HIVEP3: variants seen among roughly 807,000 people sequenced by gnomAD.
HIVEP3 encodes the protein HIVEP zinc finger 3, also known as transcription factor HIVEP3.
A neutral mutation model predicts 152.8 loss-of-function variants in HIVEP3; 49 were observed. That is an observed-to-expected ratio of 0.32 (90% CI 0.26 to 0.41). The LOEUF is 0.41. HIVEP3 is among the 10% of genes least tolerant of loss of function. The pLI is 1.00. For missense variants in HIVEP3, 2,790 were observed against 3,103.3 expected, an observed-to-expected ratio of 0.90 and a Z score of 2.40; for synonymous variants, 1,269 against 1,289.0, an observed-to-expected ratio of 0.98 and a Z score of 0.33.
chr1:41,652,642 AATC>A (rs1020913161), intron 2 of HIVEP3, among the ~76,000 whole-genome samples: 2 of 152,130 alleles, frequency 1.3e-5, no homozygotes, highest in Non-Finnish European at 2.9e-5. Flanking sequence ...CCTAGTGAGA[AATC>A]ATCATCAAAT....
chr1:41,696,948 A>C (rs1646286244), intron 2 of HIVEP3, among the ~76,000 whole-genome samples: 1 of 152,242 alleles, frequency 6.6e-6, no homozygotes, highest in Non-Finnish European at 1.5e-5. Context: ...GAAATATATA[A>C]AATGATTAAA....
rs2149110291 is a variant in HIVEP3, at chr1:41,585,073, T to A, written c.-276A>T. The A allele has an allele frequency of 2.5e-6, 1 of 401,846 alleles. No individual in the cohort carries two copies. Among genetic ancestry groups the A allele is most frequent in the Admixed American group, 4.3e-5 (1 of 23,486 alleles). 24.9% of individuals were successfully genotyped at this position (401,846 alleles called of 1,614,324 possible). On this transcript the variant is annotated 5_prime_UTR_variant, in exon 4 of 9. Transcript: ENST00000372583. ...CCAGCACTTTCTGCCTGAATGTCTG[T>A]CGGGAAAACGTCATGAAGGATGTCA... is the stretch of plus-strand genomic sequence containing the variant.
At chr1:41,930,989 C>T (rs1171843969) in intron 1 of HIVEP3, among the ~76,000 whole-genome samples, 3 of 152,084 alleles carry the variant, frequency 2.0e-5, no homozygotes, top group African/African-American at 7.2e-5. Flanking sequence ...CTTGCTGAAG[C>T]TTGAAAGTTC....
intron 1 of HIVEP3, among the ~76,000 whole-genome samples, chr1:41,895,612 G>A (rs557962943): frequency 6.6e-6 from 1 of 152,306 alleles, no homozygotes; most frequent in African/African-American, 2.4e-5. Context: ...CTTAAAGATT[G>A]CAATTTGTTT....
chr1:41,812,702 C>T (rs1296026200), intron 1 of HIVEP3, among the ~76,000 whole-genome samples: 1 of 151,892 alleles, frequency 6.6e-6, no homozygotes, highest in African/African-American at 2.4e-5. Context: ...ACCTGGGCTG[C>T]TCACCCCAGA....
chr1:41,834,828 A>T (rs2124361275), intron 1 of HIVEP3, among the ~76,000 whole-genome samples: 1 of 152,152 alleles, frequency 6.6e-6, no homozygotes, highest in East Asian at 1.9e-4. Context: ...TGTTGGGAAC[A>T]CTATTTGAGA....
intron 5 of HIVEP3, among the ~76,000 whole-genome samples, chr1:41,564,370 G>C (rs1392018586): frequency 6.6e-6 from 1 of 152,214 alleles, no homozygotes. Context: ...GTTCCAGAGA[G>C]AGAGAAGAAA....
chr1:42,017,799 G>T (rs348137), intron 1 of HIVEP3, among the ~76,000 whole-genome samples: 8,611 of 152,000 alleles, frequency 0.057, 843 homozygotes, highest in African/African-American at 0.2. Context: ...GGAATTGCGG[G>T]TACAGAGTGT....
chr1:41,630,766 T>A (rs1490447388), intron 2 of HIVEP3, among the ~76,000 whole-genome samples: 2 of 152,212 alleles, frequency 1.3e-5, no homozygotes, highest in East Asian at 3.8e-4. Context: ...TGTACCAGAC[T>A]TCTGCCCTAC....
chr1:42,016,635 A>T (rs757715344), intron 1 of HIVEP3, among the ~76,000 whole-genome samples: 4 of 152,110 alleles, frequency 2.6e-5, no homozygotes, highest in Non-Finnish European at 4.4e-5. Flanking sequence ...TTTCCAATGA[A>T]ATATATATTT....
intron 1 of HIVEP3, among the ~76,000 whole-genome samples, chr1:41,758,459 A>G (rs12048976): frequency 0.35 from 52,670 of 152,094 alleles, 9,348 homozygotes; most frequent in East Asian, 0.47. Flanking sequence ...CCACGCTTCA[A>G]TGGACCAAGG....
chr1:41,803,790 C>T (rs556952862), intron 1 of HIVEP3, among the ~76,000 whole-genome samples: 8 of 152,234 alleles, frequency 5.3e-5, no homozygotes, highest in Admixed American at 2.0e-4. Flanking sequence ...GTCACACAAA[C>T]TCCCCTTGTT....
At chr1:42,023,091 C>T (rs143717570) in intron 1 of HIVEP3, among the ~76,000 whole-genome samples, 2,463 of 152,238 alleles carry the variant, frequency 0.016, 64 homozygotes, top group African/African-American at 0.057. Context: ...AGTGCAACCT[C>T]CACCTCCCGG....
At chr1:41,755,115 C>A (rs908232709) in intron 1 of HIVEP3, among the ~76,000 whole-genome samples, 1 of 152,210 alleles carries the variant, frequency 6.6e-6, no homozygotes, top group Non-Finnish European at 1.5e-5. Flanking sequence ...ACATAGGTCA[C>A]TGGAAACAAA....
chr1:41,529,877 C>T (rs536284062), intron 5 of HIVEP3, among the ~76,000 whole-genome samples: 2 of 146,004 alleles, frequency 1.4e-5, no homozygotes, highest in African/African-American at 5.1e-5. Flanking sequence ...CCTCACACTC[C>T]CACTGATGCA....
At chr1:41,798,100 G>C (rs1650086256) in intron 1 of HIVEP3, among the ~76,000 whole-genome samples, 1 of 152,114 alleles carries the variant, frequency 6.6e-6, no homozygotes, top group African/African-American at 2.4e-5. Flanking sequence ...GAGAACACTT[G>C]GACACAGGAA....
At position 41,511,121 on chromosome 1, in the gene HIVEP3, G is replaced by A; in HGVS notation, c.6551C>T (p.Ser2184Phe). The A allele has an allele frequency of 1.2e-6, 2 of 1,614,212 alleles. No homozygotes were observed. The highest frequency in any genetic ancestry group is 1.7e-6 in the Non-Finnish European group (2 of 1,180,024). Residue 2184 changes from serine (S) to phenylalanine (F), a missense_variant, in exon 9 of 9, where the codon TCC becomes TTC. This residue lies in a region of HIVEP3 where 816 missense variants were observed against 806.5 expected (regional missense o/e 1.01). Transcript: ENST00000372583. The surrounding 1 kb of genome is among the most constrained non-coding windows in gnomAD (Gnocchi z 4.9). ...ACATGGGGCACGGGTCAAGTGCTGG[G>A]AGTGCAGAGGCAGGTGGCTGAAGAT... Reference protein sequence around the residue: ...ENIFSHLPLHSQHLTRAPCPL... With the variant: ...ENIFSHLPLHFQHLTRAPCPL...
Position 41,615,815 on chromosome 1 carries a change from CTTTTTTTTTTTTTTTTTT to C in HIVEP3, c.-522+12916_-522+12933del, listed in dbSNP as rs747478470. Reference sequence around the variant, plus strand: ...AGGGCTTCCACTGTATTTGACAAGTCTTTTTTTTTTTTTTTTTTTTTTTTTTTTTTAGCAGGGTGGTGA... The same window carrying C: ...AGGGCTTCCACTGTATTTGACAAGTCTTTTTTTTTTTTAGCAGGGTGGTGA... On this transcript the variant is annotated intron_variant, in intron 3 of 8. Coordinates refer to ENST00000372583, the MANE Select transcript of HIVEP3 (RefSeq NM_024503.5). Among the ~76,000 whole-genome samples the C allele has an allele frequency of 4.3e-5, 2 of 46,990 alleles. 1 individual carries two copies. The highest frequency in any genetic ancestry group is 7.8e-5 in the Non-Finnish European group (2 of 25,488). The allele number at this position is 46,990 out of a possible 152,430, so 30.8% of individuals were successfully genotyped here.
At chr1:41,828,568 C>T (rs186356767) in intron 1 of HIVEP3, among the ~76,000 whole-genome samples, 6 of 152,364 alleles carry the variant, frequency 3.9e-5, no homozygotes, top group Admixed American at 3.3e-4. Flanking sequence ...TGGTTCTCCA[C>T]TTTGGCTGAC....
Sources: allele counts gnomAD v4.1 joint callset (sites outside exome capture counted in the v4.1 genomes callset), GRCh38; gene constraint gnomAD v4.1.1; regional missense constraint gnomAD v4.1.1; non-coding constraint Gnocchi (gnomAD v3.1); transcripts MANE v1.5; gene names NCBI Gene and HGNC (gene_info 2026-07-23, HGNC 2026-07-21).